The following AUTS2 variants were observed in gnomAD, a reference collection of about 807,000 sequenced individuals.
AUTS2 encodes autism susceptibility gene 2 protein.
Under a neutral mutation model 112.4 loss-of-function variants are expected in AUTS2, and 17 were observed. The observed-to-expected ratio is 0.15, with a 90% CI of 0.10 to 0.23. The LOEUF is 0.23. AUTS2 is among the 10% of genes least tolerant of loss of function. AUTS2 has a pLI of 1.00. For missense variants in AUTS2, 1,510 were observed against 1,701.6 expected, an observed-to-expected ratio of 0.89 and a Z score of 1.98; for synonymous variants, 751 against 702.7, an observed-to-expected ratio of 1.07 and a Z score of -1.09.
intron 2 of AUTS2, among the ~76,000 whole-genome samples, chr7:69,933,592 A>G (rs571748303): frequency 6.6e-6 from 1 of 152,334 alleles, no homozygotes; most frequent in East Asian, 1.9e-4. Flanking sequence ...TAAATTTTTT[A>G]GAATAAAAAA....
chr7:70,391,966 G>A (rs1432890068), intron 4 of AUTS2, among the ~76,000 whole-genome samples: 1 of 152,100 alleles, frequency 6.6e-6, no homozygotes, highest in African/African-American at 2.4e-5. Flanking sequence ...GCTCACCAAT[G>A]GATCCTAGTC....
At chr7:69,830,826 A>G (rs181678762) in intron 1 of AUTS2, among the ~76,000 whole-genome samples, 1 of 152,350 alleles carries the variant, frequency 6.6e-6, no homozygotes, top group Non-Finnish European at 1.5e-5. Context: ...ATTGTAGATC[A>G]CAGAGCATTA....
intron 1 of AUTS2, among the ~76,000 whole-genome samples, chr7:69,623,347 CA>C (rs1221424555): frequency 6.9e-6 from 1 of 145,184 alleles, no homozygotes; most frequent in Non-Finnish European, 1.5e-5. Flanking sequence ...CTTAGCCTCC[CA>C]AAAAGCTGGG....
At chr7:69,983,433 A>G (rs1563014404) in intron 2 of AUTS2, among the ~76,000 whole-genome samples, 3 of 151,590 alleles carry the variant, frequency 2.0e-5, no homozygotes, top group Admixed American at 2.0e-4. Flanking sequence ...TGTTCTCATC[A>G]TCTGAGTTAT....
chr7:69,690,566 G>A (rs1043133825), intron 1 of AUTS2, among the ~76,000 whole-genome samples: 21 of 152,286 alleles, frequency 1.4e-4, no homozygotes, highest in African/African-American at 4.8e-4. Context: ...CTGTGGGGTG[G>A]GCAGCTCCAT....
chr7:70,722,822 C>A (rs972628284), intron 6 of AUTS2, among the ~76,000 whole-genome samples: 6 of 152,172 alleles, frequency 3.9e-5, no homozygotes, highest in African/African-American at 1.4e-4. Flanking sequence ...ATTTCAGATT[C>A]AAACTGTTGA....
At chr7:70,101,745 T>C (rs919125995) in intron 2 of AUTS2, among the ~76,000 whole-genome samples, 1 of 152,024 alleles carries the variant, frequency 6.6e-6, no homozygotes, top group Admixed American at 6.6e-5. Context: ...GTAGAGAGTA[T>C]GTCTATAATG....
intron 4 of AUTS2, among the ~76,000 whole-genome samples, chr7:70,381,461 TACA>T (rs1341186021): frequency 1.3e-5 from 2 of 152,224 alleles, no homozygotes; most frequent in African/African-American, 4.8e-5. Flanking sequence ...TATGAGAAAG[TACA>T]ACATTAAGCA....
chr7:70,599,760 C>A (rs1354119870), intron 5 of AUTS2, among the ~76,000 whole-genome samples: 1 of 152,184 alleles, frequency 6.6e-6, no homozygotes, highest in African/African-American at 2.4e-5. Flanking sequence ...TCATCACTCA[C>A]AACACGGGAA....
At chr7:69,607,105 C>T (rs1259118628) in intron 1 of AUTS2, among the ~76,000 whole-genome samples, 1 of 152,240 alleles carries the variant, frequency 6.6e-6, no homozygotes, top group Admixed American at 6.5e-5. Context: ...TAGAATTTGA[C>T]TGCCCCTGCT....
chr7:70,004,575 AAG>A (rs1262250482), intron 2 of AUTS2, among the ~76,000 whole-genome samples: 1 of 151,122 alleles, frequency 6.6e-6, no homozygotes, highest in African/African-American at 2.4e-5. Flanking sequence ...GCAGATCAGA[AAG>A]AGTTTCTGAC....
At chr7:70,450,320 G>T (rs1307070902) in intron 5 of AUTS2, among the ~76,000 whole-genome samples, 1 of 152,206 alleles carries the variant, frequency 6.6e-6, no homozygotes. Context: ...CTGAGGAATG[G>T]CATGATGTCT....
intron 1 of AUTS2, among the ~76,000 whole-genome samples, chr7:69,691,876 A>C (rs140791806): frequency 2.0e-5 from 3 of 152,158 alleles, no homozygotes; most frequent in African/African-American, 7.2e-5. Flanking sequence ...TGTCTCTTAC[A>C]GGTAGCATCT....
In AUTS2 at chr7:70,681,528, T is replaced by A. The variant is rs867747392; in HGVS notation, c.691-17041T>A. 2.8e-3 allele frequency among the ~76,000 whole-genome samples: 403 copies of A among 145,904 alleles called. 2 individuals are homozygous for A. The highest frequency in any genetic ancestry group is 0.012 in the East Asian group (60 of 5,102). On this transcript the variant is annotated intron_variant, in intron 5 of 18. Transcript: ENST00000342771. ...CAGTGTACATATATATATATATATTTTTTTTTTCTTCTGTATGCAAAGAAG... is the reference window on the plus strand; with the variant it reads ...CAGTGTACATATATATATATATATTATTTTTTTCTTCTGTATGCAAAGAAG...
At chr7:69,786,642 G>A (rs1789390885) in intron 1 of AUTS2, among the ~76,000 whole-genome samples, 1 of 152,168 alleles carries the variant, frequency 6.6e-6, no homozygotes, top group Admixed American at 6.5e-5. Context: ...CATTCTTGAA[G>A]TCAGCGAGAT....
At chr7:70,739,028 T>TTTTTTTTTA (rs1787944811) in intron 6 of AUTS2, among the ~76,000 whole-genome samples, 1 of 130,654 alleles carries the variant, frequency 7.7e-6, no homozygotes, top group Non-Finnish European at 1.6e-5. Flanking sequence ...TTTTTTTTTT[T>TTTTTTTTTA]TTTTTTTTTG....
At chr7:70,245,020 T>C (rs1459781397) in intron 4 of AUTS2, among the ~76,000 whole-genome samples, 1 of 150,046 alleles carries the variant, frequency 6.7e-6, no homozygotes, top group Non-Finnish European at 1.5e-5. Flanking sequence ...CTTGGGAGGC[T>C]GAGGCAGGAG....
Position 69,964,433 on chromosome 7 carries a change from T to C in AUTS2, c.522+64935T>C, listed in dbSNP as rs377662197. Among the ~76,000 whole-genome samples the C allele has an allele frequency of 2.1e-4, 32 of 152,326 alleles. No individual in the cohort carries two copies. In the East Asian group the frequency reaches 3.3e-3, roughly 16 times the overall value. ...AGATGGTTAATAAAATATAAACTCA[T>C]TAAAAAGCATTACTAAATTCTTACA... is the stretch of plus-strand genomic sequence containing the variant. On this transcript the variant is annotated intron_variant, in intron 2 of 18. Transcript: ENST00000342771.
At chr7:70,610,409 A>C (rs1804026073) in intron 5 of AUTS2, among the ~76,000 whole-genome samples, 1 of 146,932 alleles carries the variant, frequency 6.8e-6, no homozygotes, top group African/African-American at 2.5e-5. Context: ...TTCTCACCAA[A>C]ACTTAGCGCT....
Sources: gnomAD v4.1 joint callset for allele counts (sites outside exome capture counted in the v4.1 genomes callset) on GRCh38, gnomAD v4.1.1 for gene constraint, MANE v1.5 for transcripts, NCBI Gene and HGNC (gene_info 2026-07-23, HGNC 2026-07-21) for gene names.